The following ROBO1 variants were observed in gnomAD, a reference collection of about 807,000 sequenced individuals.
ROBO1 encodes the protein roundabout guidance receptor 1, also known as roundabout homolog 1.
A neutral mutation model predicts 195.9 loss-of-function variants in ROBO1; 149 were observed. The ratio of observed to expected loss-of-function variants is 0.76; its 90% CI spans 0.67 to 0.87. The LOEUF is 0.87. ROBO1 is among the 40% of genes least tolerant of loss of function. The probability of loss-of-function intolerance (pLI) is 0.00; values close to 1 mark genes in which losing one functional copy is unlikely to be tolerated. For synonymous variants in ROBO1, 816 were observed against 733.2 expected (o/e 1.11, Z -1.82); for missense variants, 1,933 against 2,068.3 (o/e 0.93, Z 1.27).
intron 2 of ROBO1, among the ~76,000 whole-genome samples, chr3:79,496,657 G>C: frequency 6.6e-6 from 1 of 150,532 alleles, no homozygotes; most frequent in African/African-American, 2.5e-5. Context: ...AAAGTGCTGG[G>C]ATTACAGGCG....
At chr3:79,617,614 G>T (rs1280856385) in intron 1 of ROBO1, among the ~76,000 whole-genome samples, 4 of 152,084 alleles carry the variant, frequency 2.6e-5, no homozygotes, top group Non-Finnish European at 5.9e-5. Context: ...AGCTCCTCCA[G>T]ATGAGAAGGA....
At chr3:79,564,306 GGCCAGT>G (rs1317152720) in intron 2 of ROBO1, among the ~76,000 whole-genome samples, 1 of 151,978 alleles carries the variant, frequency 6.6e-6, no homozygotes, top group Non-Finnish European at 1.5e-5. Flanking sequence ...TTTAGCACAG[GGCCAGT>G]GGACTTTCAG....
At chr3:78,868,067 A>G (rs541775073) in intron 4 of ROBO1, among the ~76,000 whole-genome samples, 2 of 152,188 alleles carry the variant, frequency 1.3e-5, no homozygotes, top group East Asian at 3.8e-4. Context: ...ATTCTGTTCA[A>G]TGAGACATTT....
chr3:78,858,943 G>A (rs1037802589), intron 4 of ROBO1, among the ~76,000 whole-genome samples: 1 of 152,178 alleles, frequency 6.6e-6, no homozygotes, highest in Admixed American at 6.5e-5. Context: ...AAGAGTGACT[G>A]TTATTACCTC....
chr3:79,048,353 T>C (rs2078633625), intron 3 of ROBO1, among the ~76,000 whole-genome samples: 1 of 152,132 alleles, frequency 6.6e-6, no homozygotes, highest in African/African-American at 2.4e-5. Flanking sequence ...TTCTCAATAA[T>C]TGCAATACCC....
intron 4 of ROBO1, among the ~76,000 whole-genome samples, chr3:78,813,117 G>A (rs375418422): frequency 2.0e-5 from 3 of 151,828 alleles, no homozygotes; most frequent in African/African-American, 2.4e-5. Flanking sequence ...AACACATACA[G>A]ATCTGTCAAT....
intron 2 of ROBO1, among the ~76,000 whole-genome samples, chr3:79,458,456 C>G (rs942233492): frequency 6.6e-6 from 1 of 152,150 alleles, no homozygotes; most frequent in East Asian, 1.9e-4. Flanking sequence ...ATGGGCCACT[C>G]AGAAGAGTTG....
At position 79,757,503 on chromosome 3, in the gene ROBO1, C is replaced by CCATATA. The variant is rs369407395; in HGVS notation, c.-51+10248_-51+10249insTATATG. 6.8e-3 allele frequency among the ~76,000 whole-genome samples: 990 copies of CCATATA among 145,286 alleles called. 16 individuals are homozygous for CCATATA. Among genetic ancestry groups the CCATATA allele is most frequent in the Middle Eastern group, 0.025 (7 of 280 alleles). On this transcript the variant is annotated intron_variant, in intron 1 of 30. Transcript: ENST00000464233. ...TTTCTTTCTTTCTCTCTCTCTCTCTCTCTCTCCATATATATATATGCCATC... is the reference window on the plus strand; with the variant it reads ...TTTCTTTCTTTCTCTCTCTCTCTCTCCATATATCTCTCCATATATATATATGCCATC...
chr3:79,248,494 C>T (rs2082666171), intron 2 of ROBO1, among the ~76,000 whole-genome samples: 1 of 151,496 alleles, frequency 6.6e-6, no homozygotes, highest in Admixed American at 6.6e-5. Flanking sequence ...CAGAATAATG[C>T]TTCATGCAGA....
At chr3:79,352,367 G>A (rs545961377) in intron 2 of ROBO1, among the ~76,000 whole-genome samples, 2 of 152,184 alleles carry the variant, frequency 1.3e-5, no homozygotes, top group East Asian at 3.9e-4. Context: ...GAGGTTACAG[G>A]TCCCAGGTAT....
At chr3:78,867,337 G>C (rs529742841) in intron 4 of ROBO1, among the ~76,000 whole-genome samples, 22 of 152,228 alleles carry the variant, frequency 1.4e-4, no homozygotes, top group African/African-American at 3.6e-4. Context: ...TGGGATAAGA[G>C]CAAAATGCTA....
At chr3:79,195,128 G>A (rs1055037145) in intron 2 of ROBO1, among the ~76,000 whole-genome samples, 3 of 151,472 alleles carry the variant, frequency 2.0e-5, no homozygotes, top group African/African-American at 7.3e-5. Context: ...TCTATCAGGT[G>A]CTAATTGTTT....
chr3:78,668,748 A>G (rs1161607965), intron 11 of ROBO1, among the ~76,000 whole-genome samples, 183 bp from the exon 12 acceptor site: 2 of 152,204 alleles, frequency 1.3e-5, no homozygotes, highest in African/African-American at 4.8e-5. Context: ...ACATCAATAT[A>G]GAAAAAAAGA....
At chr3:79,635,906 A>G (rs1945482222) in intron 1 of ROBO1, among the ~76,000 whole-genome samples, 1 of 152,190 alleles carries the variant, frequency 6.6e-6, no homozygotes, top group South Asian at 2.1e-4. Context: ...TACAATACAT[A>G]TATCCTTCTT....
intron 2 of ROBO1, among the ~76,000 whole-genome samples, chr3:79,485,262 T>C (rs1939099383): frequency 6.6e-6 from 1 of 152,126 alleles, no homozygotes; most frequent in African/African-American, 2.4e-5. Flanking sequence ...ATAGTTGCTA[T>C]TAAAATGTAC....
intron 4 of ROBO1, among the ~76,000 whole-genome samples, chr3:78,867,584 T>C (rs2035261347): frequency 6.6e-6 from 1 of 152,202 alleles, no homozygotes; most frequent in Non-Finnish European, 1.5e-5. Context: ...CTTTAAGGGA[T>C]GTTTTCTTTT....
At chr3:79,302,096 G>A (rs1249077476) in intron 2 of ROBO1, among the ~76,000 whole-genome samples, 1 of 152,172 alleles carries the variant, frequency 6.6e-6, no homozygotes, top group Non-Finnish European at 1.5e-5. Flanking sequence ...AAAGTAAAAT[G>A]AAGGGACCAG....
At chr3:79,230,287 CAT>C (rs1257208255) in intron 2 of ROBO1, among the ~76,000 whole-genome samples, 1 of 152,106 alleles carries the variant, frequency 6.6e-6, no homozygotes, top group Non-Finnish European at 1.5e-5. Flanking sequence ...ATCATAATAA[CAT>C]AACATAATTA....
chr3:79,198,048 C>A (rs767208971), intron 2 of ROBO1, among the ~76,000 whole-genome samples: 9 of 152,136 alleles, frequency 5.9e-5, no homozygotes, highest in Non-Finnish European at 1.2e-4. Context: ...TTAATTAAAT[C>A]CCATTTGTCA....
Sources: gnomAD v4.1 joint callset for allele counts (sites outside exome capture counted in the v4.1 genomes callset) on GRCh38, gnomAD v4.1.1 for gene constraint, MANE v1.5 for transcripts, NCBI Gene and HGNC (gene_info 2026-07-23, HGNC 2026-07-21) for gene names.